Variants in NR3C2 observed in about 807,000 individuals in gnomAD.
The protein encoded by NR3C2 is nuclear receptor subfamily 3 group C member 2.
Under a neutral mutation model 86.4 loss-of-function variants are expected in NR3C2, and 15 were observed. The observed-to-expected ratio is 0.17, with a 90% CI of 0.12 to 0.27. The LOEUF is 0.27. NR3C2 is among the 10% of genes least tolerant of loss of function. NR3C2 has a pLI of 1.00. For missense variants in NR3C2, 960 were observed against 1,195.6 expected (o/e 0.80, Z 2.91); for synonymous variants, 458 against 450.5 (o/e 1.02, Z -0.21).
At chr4:148,443,253 AAGAG>A (rs1298822694), upstream of NR3C2, among the ~76,000 whole-genome samples, 34 of 134,586 alleles carry the variant, frequency 2.5e-4, no homozygotes, top group South Asian at 1.3e-3. Context: ...AAAAAAAAAA[AAGAG>A]AGAGAGAGAA....
chr4:148,159,543 G>A (rs925479397), intron 4 of NR3C2, among the ~76,000 whole-genome samples: 3 of 152,090 alleles, frequency 2.0e-5, no homozygotes, highest in African/African-American at 7.2e-5. Context: ...CATTTTTCAG[G>A]TGAAAAAACT....
intron 2 of NR3C2, among the ~76,000 whole-genome samples, chr4:148,314,333 CATT>C (rs891122934): frequency 6.6e-6 from 1 of 152,050 alleles, no homozygotes; most frequent in Non-Finnish European, 1.5e-5. Context: ...CTGTGAAAAA[CATT>C]ATTATTTTTT....
At position 148,150,242 on chromosome 4, in the gene NR3C2, G is replaced by C. The variant is rs969624160; in HGVS notation, c.2510+2227C>G. Among the ~76,000 whole-genome samples the C allele has an allele frequency of 6.6e-5, 10 of 152,188 alleles. No individual in the cohort carries two copies. In the East Asian group the frequency reaches 1.7e-3, roughly 26 times the overall value. The stretch of plus-strand genomic sequence containing the variant: ...AGCAAATATTCAACTATTCCTCCTA[G>C]GGGAAGTTTGGGGTAATGGTCCTTA... On this transcript the variant is annotated intron_variant, in intron 6 of 8. Transcript: ENST00000358102.
rs72645689 is a variant in NR3C2 at position 148,436,778 on chromosome 4, C to G, written c.83G>C (p.Arg28Pro). ...CCTCTCTGTAGGTCCCAGGGAAGAACGCTCCACAGCCTGAGAAACTTGACC... is the reference window on the plus strand; with the variant it reads ...CCTCTCTGTAGGTCCCAGGGAAGAAGGCTCCACAGCCTGAGAAACTTGACC... ...RWGQVSQAVE[R>P]SSLGPTERTD... Residue 28 changes from arginine (R) to proline (P), a missense_variant, in exon 2 of 9, where the codon CGT (arginine) becomes CCT (proline). Coordinates refer to ENST00000358102, the MANE Select transcript of NR3C2 (RefSeq NM_000901.5). 6.2e-7 allele frequency: 1 copy of G among 1,613,790 alleles called. No homozygotes were observed. Among genetic ancestry groups the G allele is most frequent in the Non-Finnish European group, 8.5e-7 (1 of 1,179,842 alleles).
intron 3 of NR3C2, among the ~76,000 whole-genome samples, chr4:148,255,899 C>T (rs1204741305): frequency 6.6e-6 from 1 of 152,208 alleles, no homozygotes; most frequent in Non-Finnish European, 1.5e-5. Flanking sequence ...ATTCAATTGA[C>T]AATTTACTGG....
chr4:148,244,073 G>T (rs1235033987), intron 3 of NR3C2, among the ~76,000 whole-genome samples: 1 of 152,172 alleles, frequency 6.6e-6, no homozygotes, highest in Non-Finnish European at 1.5e-5. Context: ...GGTGGAGCTG[G>T]CAGTTAACTC....
intron 4 of NR3C2, among the ~76,000 whole-genome samples, chr4:148,181,043 G>A (rs1352952190): frequency 6.6e-6 from 1 of 152,098 alleles, no homozygotes; most frequent in Admixed American, 6.6e-5. Flanking sequence ...TCCCACTCTA[G>A]GAGGGAAAGG....
At chr4:148,252,569 A>G (rs1739629886) in intron 3 of NR3C2, among the ~76,000 whole-genome samples, 1 of 152,198 alleles carries the variant, frequency 6.6e-6, no homozygotes. Flanking sequence ...AAATCAGATG[A>G]AAAGAGCAGG....
At chr4:148,237,021 G>C (rs1209180177) in intron 3 of NR3C2, among the ~76,000 whole-genome samples, 1 of 152,148 alleles carries the variant, frequency 6.6e-6, no homozygotes, top group Admixed American at 6.5e-5. Context: ...TTTGTCCCTT[G>C]AACTGGGATA....
In NR3C2 at chr4:148,147,276, G is replaced by A. The variant is rs372089487; in HGVS notation, c.2510+5193C>T. 1.1e-4 allele frequency among the ~76,000 whole-genome samples: 16 copies of A among 152,292 alleles called. No individual in the cohort carries two copies. In the East Asian group the frequency reaches 2.9e-3, roughly 28 times the overall value. On this transcript the variant is annotated intron_variant, in intron 6 of 8. Coordinates refer to ENST00000358102, the MANE Select transcript of NR3C2 (RefSeq NM_000901.5). ...AAGATCTTTGGGAACTTTCAGATCT[G>A]TGTCACATTTGAAGGCAAACCCAAA...
chr4:148,152,802 T>C (rs1734164190), intron 5 of NR3C2, among the ~76,000 whole-genome samples, 189 bp from the exon 6 acceptor site: 1 of 152,196 alleles, frequency 6.6e-6, no homozygotes, highest in African/African-American at 2.4e-5. Flanking sequence ...CATTTCACTT[T>C]AAATTCATCC....
chr4:148,379,036 T>A (rs1290608027), intron 2 of NR3C2, among the ~76,000 whole-genome samples: 2 of 152,046 alleles, frequency 1.3e-5, no homozygotes, highest in African/African-American at 4.8e-5. Flanking sequence ...CAAAGCAAGT[T>A]ACAAAAGAGC....
chr4:148,336,910 G>A (rs1274170338), intron 2 of NR3C2, among the ~76,000 whole-genome samples: 1 of 152,118 alleles, frequency 6.6e-6, no homozygotes, highest in East Asian at 1.9e-4. Flanking sequence ...TCCTGCCTGA[G>A]CCTCAGGAGT....
At chr4:148,361,522 C>A (rs1238977209) in intron 2 of NR3C2, among the ~76,000 whole-genome samples, 1 of 152,186 alleles carries the variant, frequency 6.6e-6, no homozygotes, top group Non-Finnish European at 1.5e-5. Context: ...TTGTCCTTTT[C>A]CATTCTCCTC....
At chr4:148,345,495 A>G (rs1406880839) in intron 2 of NR3C2, among the ~76,000 whole-genome samples, 1 of 151,920 alleles carries the variant, frequency 6.6e-6, no homozygotes, top group African/African-American at 2.4e-5. Flanking sequence ...GAATAATACA[A>G]CCTCTATCTT....
At chr4:148,303,609 C>A (rs879272042) in intron 2 of NR3C2, among the ~76,000 whole-genome samples, 1 of 152,068 alleles carries the variant, frequency 6.6e-6, no homozygotes, top group Non-Finnish European at 1.5e-5. Context: ...TCCATACAAC[C>A]CCCCGAGATG....
At chr4:148,215,576 G>A (rs1157523553) in intron 3 of NR3C2, among the ~76,000 whole-genome samples, 1 of 152,112 alleles carries the variant, frequency 6.6e-6, no homozygotes, top group Admixed American at 6.5e-5. Flanking sequence ...GGTTAAAATA[G>A]CTATTGAATT....
intron 4 of NR3C2, among the ~76,000 whole-genome samples, chr4:148,177,818 C>T (rs1442055919): frequency 6.6e-6 from 1 of 152,206 alleles, no homozygotes; most frequent in Non-Finnish European, 1.5e-5. Context: ...TCTCATCCCT[C>T]ACCCCAGAAC....
At chr4:148,134,636 TCTC>T (rs1404270387) in intron 6 of NR3C2, among the ~76,000 whole-genome samples, 53 of 119,558 alleles carry the variant, frequency 4.4e-4, no homozygotes, top group African/African-American at 1.9e-3. Flanking sequence ...TCTCTCTCTC[TCTC>T]TCTCTTTTTT....
Sources: gnomAD v4.1 joint callset for allele counts (sites outside exome capture counted in the v4.1 genomes callset) on GRCh38, gnomAD v4.1.1 for gene constraint, MANE v1.5 for transcripts, NCBI Gene and HGNC (gene_info 2026-07-23, HGNC 2026-07-21) for gene names.